Variants in RPS6KC1 observed in about 807,000 individuals in gnomAD.
RPS6KC1 encodes inactive ribosomal protein S6 kinase delta-1.
RPS6KC1 carries 54 observed loss-of-function variants against 103.8 expected under a neutral mutation model. That is an observed-to-expected ratio of 0.52 (90% CI 0.42 to 0.65). The LOEUF (loss-of-function observed/expected upper bound fraction) is 0.65. RPS6KC1 is among the 30% of genes least tolerant of loss of function. The probability of loss-of-function intolerance (pLI) is 0.00; values close to 1 mark genes in which losing one functional copy is unlikely to be tolerated. For synonymous variants in RPS6KC1, 439 were observed against 438.7 expected (o/e 1.00, Z -0.01); for missense variants, 1,151 against 1,253.8 (o/e 0.92, Z 1.24).
At chr1:213,103,275 T>G (rs778313882) in intron 3 of RPS6KC1, among the ~76,000 whole-genome samples, 1 of 152,200 alleles carries the variant, frequency 6.6e-6, no homozygotes, top group Admixed American at 6.5e-5. Flanking sequence ...GTTTTTGTTA[T>G]TCACTCACAC....
chr1:213,725,699 G>GA, the RPS6KC1 span, among the ~76,000 whole-genome samples: 30 of 152,252 alleles, frequency 2.0e-4, no homozygotes, highest in African/African-American at 7.2e-4. Flanking sequence ...TGCTCAACCA[G>GA]AAAAAATCGA....
At chr1:213,445,908 C>T in the RPS6KC1 span, among the ~76,000 whole-genome samples, 1 of 152,176 alleles carries the variant, frequency 6.6e-6, no homozygotes, top group Non-Finnish European at 1.5e-5. Flanking sequence ...ATTCTATAGA[C>T]TGAGAAGCCC....
chr1:213,129,356 T>G (rs905971688), intron 5 of RPS6KC1, among the ~76,000 whole-genome samples, 171 bp from the exon 6 acceptor site: 6 of 152,174 alleles, frequency 3.9e-5, no homozygotes. Context: ...AGAGAGACAG[T>G]AAAATGAATG....
chr1:213,341,507 G>A, the RPS6KC1 span, among the ~76,000 whole-genome samples: 136 of 152,294 alleles, frequency 8.9e-4, no homozygotes, highest in Middle Eastern at 3.4e-3. Context: ...ATAGAGTGGT[G>A]GGTAAAGGCA....
chr1:213,197,952 T>C (rs1331543854), intron 8 of RPS6KC1, among the ~76,000 whole-genome samples: 1 of 152,158 alleles, frequency 6.6e-6, no homozygotes, highest in Admixed American at 6.5e-5. Flanking sequence ...ACAGTCGATG[T>C]TAGTATTGAG....
At chr1:213,668,405 AC>A in the RPS6KC1 span, among the ~76,000 whole-genome samples, 1 of 39,790 alleles carries the variant, frequency 2.5e-5, no homozygotes, top group African/African-American at 9.2e-5. Flanking sequence ...CCGCCGCACC[AC>A]CCCCACCCCC....
the RPS6KC1 span, among the ~76,000 whole-genome samples, chr1:213,696,131 T>C: frequency 6.6e-6 from 1 of 152,214 alleles, no homozygotes; most frequent in African/African-American, 2.4e-5. Context: ...AACCTATAGT[T>C]GTTGACTGTC....
At chr1:213,445,038 G>A in the RPS6KC1 span, among the ~76,000 whole-genome samples, 4 of 151,966 alleles carry the variant, frequency 2.6e-5, no homozygotes, top group South Asian at 4.2e-4. Flanking sequence ...GCAGCCTTTA[G>A]CAAATCACCA....
chr1:213,291,576 AAT>A, the RPS6KC1 span, among the ~76,000 whole-genome samples: 1 of 152,336 alleles, frequency 6.6e-6, no homozygotes, highest in Middle Eastern at 3.4e-3. Context: ...GGTAAAGAAA[AAT>A]ATGTGTCAGT....
At chr1:213,395,987 C>T in the RPS6KC1 span, among the ~76,000 whole-genome samples, 5 of 152,152 alleles carry the variant, frequency 3.3e-5, 1 homozygote, top group South Asian at 4.2e-4. Context: ...ATTCGGGATT[C>T]GATAGAGGGC....
At chr1:213,642,119 C>G in the RPS6KC1 span, among the ~76,000 whole-genome samples, 1 of 152,272 alleles carries the variant, frequency 6.6e-6, no homozygotes, top group East Asian at 1.9e-4. Flanking sequence ...TGAAGCTCTT[C>G]CTACCCAGCA....
the RPS6KC1 span, among the ~76,000 whole-genome samples, chr1:213,557,262 G>A: frequency 0.63 from 96,067 of 152,070 alleles, 30,731 homozygotes; most frequent in East Asian, 0.86. Context: ...TATGCTCTGA[G>A]TTCATCAACC....
At chr1:213,635,637 T>G in the RPS6KC1 span, among the ~76,000 whole-genome samples, 1 of 152,184 alleles carries the variant, frequency 6.6e-6, no homozygotes, top group African/African-American at 2.4e-5. Flanking sequence ...TAAGAGCTCT[T>G]TATGGCAAAC....
intron 5 of RPS6KC1, among the ~76,000 whole-genome samples, chr1:213,123,685 G>C (rs2084654100): frequency 6.6e-6 from 1 of 152,078 alleles, no homozygotes; most frequent in South Asian, 2.1e-4. Context: ...CTACCTTAGG[G>C]TAACCTTTGT....
chr1:213,710,192 G>A, the RPS6KC1 span, among the ~76,000 whole-genome samples: 1 of 152,110 alleles, frequency 6.6e-6, no homozygotes, highest in African/African-American at 2.4e-5. Context: ...TATGAATCTG[G>A]GTGCTCCTGT....
At chr1:213,527,674 T>A in the RPS6KC1 span, among the ~76,000 whole-genome samples, 1 of 152,200 alleles carries the variant, frequency 6.6e-6, no homozygotes, top group Non-Finnish European at 1.5e-5. Context: ...ATTTCTTTTT[T>A]AAAAATTTTA....
the RPS6KC1 span, among the ~76,000 whole-genome samples, chr1:213,599,831 G>A: frequency 1.3e-5 from 2 of 152,180 alleles, no homozygotes; most frequent in Non-Finnish European, 2.9e-5. Context: ...TTCACAGAGA[G>A]GTCTGGGAAG....
At chr1:213,656,390 A>C in the RPS6KC1 span, among the ~76,000 whole-genome samples, 1 of 152,270 alleles carries the variant, frequency 6.6e-6, no homozygotes, top group African/African-American at 2.4e-5. Context: ...TGCCTAAAAC[A>C]GGATGAAAAG....
chr1:213,136,811 G>A (rs1438384836), intron 6 of RPS6KC1, among the ~76,000 whole-genome samples: 1 of 152,118 alleles, frequency 6.6e-6, no homozygotes, highest in Non-Finnish European at 1.5e-5. Context: ...CCTCTTCAAA[G>A]GAAATTATTA....
Sources: allele counts gnomAD v4.1 joint callset (sites outside exome capture counted in the v4.1 genomes callset), GRCh38; gene constraint gnomAD v4.1.1; transcripts MANE v1.5; gene names NCBI Gene and HGNC (gene_info 2026-07-23, HGNC 2026-07-21).